EFCAB6: variants seen among roughly 807,000 people sequenced by gnomAD.
EFCAB6 encodes the protein EF-hand calcium binding domain 6, also known as EF-hand calcium-binding domain-containing protein 6.
In EFCAB6, 156 loss-of-function variants were observed where a neutral mutation model predicts 169.8. The observed-to-expected ratio is 0.92, with a 90% CI of 0.81 to 1.05. The LOEUF (loss-of-function observed/expected upper bound fraction) is 1.05. EFCAB6 is among the 50% of genes least tolerant of loss of function. The pLI is 0.00. For missense variants in EFCAB6, 1,800 were observed against 1,829.1 expected, an observed-to-expected ratio of 0.98 and a Z score of 0.29; for synonymous variants, 698 against 676.4, an observed-to-expected ratio of 1.03 and a Z score of -0.50.
chr22:43,694,392 A>C (rs1176847833), intron 10 of EFCAB6, among the ~76,000 whole-genome samples: 3 of 152,150 alleles, frequency 2.0e-5, no homozygotes, highest in East Asian at 1.9e-4. Flanking sequence ...CATTTAAAGA[A>C]TATAAATAAC....
chr22:43,601,652 G>A (rs958099114), intron 22 of EFCAB6, among the ~76,000 whole-genome samples: 21 of 152,312 alleles, frequency 1.4e-4, no homozygotes, highest in African/African-American at 5.1e-4. Flanking sequence ...GTTTGAGCTG[G>A]GTGAACAATA....
intron 3 of EFCAB6, among the ~76,000 whole-genome samples, chr22:43,776,129 G>A (rs1463098626): frequency 1.3e-5 from 2 of 152,238 alleles, no homozygotes; most frequent in African/African-American, 2.4e-5. Context: ...TAAGCGGGAT[G>A]TCCATCTGAA....
intron 9 of EFCAB6, among the ~76,000 whole-genome samples, chr22:43,712,629 T>C (rs2059200385): frequency 6.6e-6 from 1 of 152,198 alleles, no homozygotes; most frequent in Non-Finnish European, 1.5e-5. Context: ...AATTTGTCCA[T>C]TTCTCTTTCA....
chr22:43,765,275 C>T (rs1449251151), intron 5 of EFCAB6, 30 bp downstream of exon 5: 4 of 1,560,462 alleles, frequency 2.6e-6, no homozygotes, highest in Non-Finnish European at 3.5e-6. Flanking sequence ...TCAAATTTCA[C>T]ATTTTCACAT....
chr22:43,549,006 G>C (rs2048236295), intron 27 of EFCAB6, among the ~76,000 whole-genome samples: 1 of 152,194 alleles, frequency 6.6e-6, no homozygotes, highest in Non-Finnish European at 1.5e-5. Flanking sequence ...AAACAAAAGA[G>C]AGCACTTTTA....
intron 22 of EFCAB6, among the ~76,000 whole-genome samples, chr22:43,607,000 G>A (rs1029681133): frequency 1.3e-5 from 2 of 151,964 alleles, no homozygotes; most frequent in African/African-American, 4.8e-5. Context: ...GGTCTCCCAG[G>A]GCCAGCACCC....
intron 31 of EFCAB6, among the ~76,000 whole-genome samples, chr22:43,530,205 T>A (rs1569105299): frequency 6.6e-6 from 1 of 152,250 alleles, no homozygotes; most frequent in African/African-American, 2.4e-5. Context: ...GAACCTGCCC[T>A]ACTTCCTTCC....
At chr22:43,731,593 G>A (rs2103612) in intron 8 of EFCAB6, 106 bp downstream of exon 8, 61,237 of 604,658 alleles carry the variant, frequency 0.1, 3,560 homozygotes, top group East Asian at 0.16. Flanking sequence ...TGTAGATAAT[G>A]TATTTCCTAT....
intron 26 of EFCAB6, chr22:43,570,193 C>T (rs750859555): frequency 2.0e-5 from 3 of 152,062 alleles, no homozygotes; most frequent in Non-Finnish European, 2.9e-5. Context: ...TATATTTCCA[C>T]GCAAAGTGAG....
At chr22:43,695,169 G>A (rs1372484814) in intron 10 of EFCAB6, among the ~76,000 whole-genome samples, 1 of 151,926 alleles carries the variant, frequency 6.6e-6, no homozygotes, top group African/African-American at 2.4e-5. Flanking sequence ...GATATTCAAA[G>A]TCAATATACA....
Position 43,701,336 on chromosome 22 carries a change from C to T in EFCAB6, c.1031+10139G>A, listed in dbSNP as rs188772657. 4.3e-4 allele frequency among the ~76,000 whole-genome samples: 65 copies of T among 152,272 alleles called. 1 individual carries two copies. In the Middle Eastern group the frequency reaches 0.02, roughly 48 times the overall value. On this transcript the variant is annotated intron_variant, in intron 10 of 31. Transcript: ENST00000262726. ...CAGATTCTTCCTTCTTAGGAGATGA[C>T]ATTATTAGTCATAAGTCCTCAACAA...
At chr22:43,559,881 A>C (rs2048925225) in intron 26 of EFCAB6, among the ~76,000 whole-genome samples, 1 of 152,084 alleles carries the variant, frequency 6.6e-6, no homozygotes, top group Non-Finnish European at 1.5e-5. Context: ...GGGCAAGGGG[A>C]GGGAAAGCAT....
chr22:43,779,442 T>A (rs2061741847), intron 3 of EFCAB6, among the ~76,000 whole-genome samples: 1 of 152,160 alleles, frequency 6.6e-6, no homozygotes, highest in African/African-American at 2.4e-5. Flanking sequence ...TATCTTTAAT[T>A]TTTAAAAAGT....
chr22:43,630,565 G>T lies in EFCAB6; in HGVS notation c.2232+1540C>A, dbSNP rs370119639. ...AGTCTGAGAGAGGGAACAGGGAGGG[G>T]CCTGCATTGCAATGGGCAAGGTGCA... is the stretch of plus-strand genomic sequence containing the variant. On this transcript the variant is annotated intron_variant, in intron 19 of 31. Transcript: ENST00000262726. Among the ~76,000 whole-genome samples, 29 of 152,322 alleles carry T rather than the reference G, an allele frequency of 1.9e-4. No homozygotes were observed. In the East Asian group the frequency reaches 4.8e-3, roughly 25 times the overall value.
At chr22:43,725,072 C>A (rs958147213) in intron 8 of EFCAB6, among the ~76,000 whole-genome samples, 1 of 150,270 alleles carries the variant, frequency 6.7e-6, no homozygotes, top group African/African-American at 2.5e-5. Flanking sequence ...CCCTCATGCT[C>A]TGTTGTAACA....
rs1381810246 is a variant in EFCAB6, at chr22:43,592,494, T to C, written c.2877-2265A>G. On this transcript the variant is annotated intron_variant, in intron 23 of 31. Coordinates refer to ENST00000262726, the MANE Select transcript of EFCAB6 (RefSeq NM_022785.4). ...TACATATTTTTAGAAAATTGAAGCA[T>C]TCAGCGTTTCTTGGACTGGTTTCTA... Among the ~76,000 whole-genome samples the C allele has an allele frequency of 2.0e-5, 3 of 152,250 alleles. No individual in the cohort carries two copies. The East Asian group carries it at 5.8e-4, about 29-fold the overall frequency.
chr22:43,652,822 A>G (rs1054203321), intron 17 of EFCAB6, among the ~76,000 whole-genome samples: 13 of 152,182 alleles, frequency 8.5e-5, no homozygotes, highest in African/African-American at 3.1e-4. Flanking sequence ...ATACCAGAAA[A>G]AAAAAAGCTA....
chr22:43,642,972 C>T (rs2055899897), intron 17 of EFCAB6, among the ~76,000 whole-genome samples: 1 of 152,214 alleles, frequency 6.6e-6, no homozygotes, highest in Non-Finnish European at 1.5e-5. Context: ...ACAGTGACAG[C>T]CACGGTGTGC....
At chr22:43,731,433 A>T (rs1451942901) in intron 8 of EFCAB6, among the ~76,000 whole-genome samples, 36 of 152,212 alleles carry the variant, frequency 2.4e-4, no homozygotes, top group Non-Finnish European at 1.5e-5. Flanking sequence ...GATATTCCAC[A>T]CACATCTTCT....
Sources: gnomAD v4.1 joint callset for allele counts (sites outside exome capture counted in the v4.1 genomes callset) on GRCh38, gnomAD v4.1.1 for gene constraint, MANE v1.5 for transcripts, NCBI Gene and HGNC (gene_info 2026-07-23, HGNC 2026-07-21) for gene names.